CCT5: variants seen among roughly 807,000 people sequenced by gnomAD.
The protein encoded by CCT5 is chaperonin containing TCP1 subunit 5, also known as T-complex protein 1 subunit epsilon.
A neutral mutation model predicts 55.0 loss-of-function variants in CCT5; 6 were observed. That is an observed-to-expected ratio of 0.11 (90% CI 0.06 to 0.22). The LOEUF (loss-of-function observed/expected upper bound fraction) is 0.22, where lower values mean the gene tolerates loss of function less well. Among genes scored for constraint, CCT5 ranks in the 10% least tolerant of loss-of-function variants. The pLI is 1.00. For missense variants in CCT5, 560 were observed against 694.6 expected (o/e 0.81, Z 2.18); for synonymous variants, 231 against 243.7 (o/e 0.95, Z 0.49).
At position 10,251,132 on chromosome 5, in the gene CCT5, G is replaced by T. The variant is rs370533249; in HGVS notation, c.105+687G>T. Among the ~76,000 whole-genome samples, 11 of 152,322 alleles carry T rather than the reference G, an allele frequency of 7.2e-5. No homozygotes were observed. In the South Asian group the frequency reaches 2.3e-3, roughly 32 times the overall value. Reference sequence around the variant, plus strand: ...GAAGTAAAGGCTTGGGCAAGAATGCGCATGGCACGTTGTAGAATGGAAGAG... The same window carrying T: ...GAAGTAAAGGCTTGGGCAAGAATGCTCATGGCACGTTGTAGAATGGAAGAG... On this transcript the variant is annotated intron_variant, in intron 1 of 10. Transcript: ENST00000280326.
chr5:10,250,894 G>T, intron 1 of CCT5: 1 of 1,033,460 alleles, frequency 9.7e-7, no homozygotes, highest in Non-Finnish European at 1.2e-6. Context: ...ACTCGTAAAG[G>T]TGTGGTCACT....
At chr5:10,263,078 C>T in intron 9 of CCT5, 56 bp from the exon 10 acceptor site, 1 of 1,440,542 alleles carries the variant, frequency 6.9e-7, no homozygotes, top group Non-Finnish European at 9.8e-7. Flanking sequence ...TTTCACGGTG[C>T]CGCTGGGTTG....
Position 10,261,544 on chromosome 5 carries a change from T to C in CCT5, c.994-16T>C, listed in dbSNP as rs1366821134. 2 of 1,613,534 alleles carry C rather than the reference T, an allele frequency of 1.2e-6. No homozygotes were observed. Among genetic ancestry groups the C allele is most frequent in the Non-Finnish European group, 1.7e-6 (2 of 1,179,660 alleles). On this transcript the variant is annotated splice_polypyrimidine_tract_variant and intron_variant, in intron 7 of 10. Coordinates refer to ENST00000280326, the MANE Select transcript of CCT5 (RefSeq NM_012073.5). ...CCAGTACTGTCTTCATCCTTCTCCC[T>C]GACCACCCCAATTAGCTGATTGCCA...
At chr5:10,251,549 C>G (rs1463786418) in intron 1 of CCT5, among the ~76,000 whole-genome samples, 1 of 152,168 alleles carries the variant, frequency 6.6e-6, no homozygotes, top group African/African-American at 2.4e-5. Flanking sequence ...GGTTTACTTA[C>G]GCAAAGTTAG....
intron 4 of CCT5, among the ~76,000 whole-genome samples, chr5:10,256,416 T>C (rs1745683661): frequency 6.6e-6 from 1 of 152,216 alleles, no homozygotes; most frequent in African/African-American, 2.4e-5. Flanking sequence ...CAGAATAGGT[T>C]GTGTTAAAAA....
chr5:10,257,990 C>A, intron 4 of CCT5, 121 bp from the exon 5 acceptor site: 1 of 1,025,640 alleles, frequency 9.8e-7, no homozygotes, highest in Non-Finnish European at 1.5e-6. Context: ...GATGGCATTC[C>A]CCTCTAGAAG....
intron 3 of CCT5, among the ~76,000 whole-genome samples, chr5:10,255,202 G>A (rs994157865): frequency 2.0e-5 from 3 of 152,190 alleles, no homozygotes; most frequent in Admixed American, 1.3e-4. Flanking sequence ...ATGTGTAGGA[G>A]AATGCCCTTC....
chr5:10,263,199 C>T lies in CCT5; in HGVS notation c.1383C>T (p.Ala461=). 6.2e-7 allele frequency: 1 copy of T among 1,614,168 alleles called. No homozygotes were observed. Among genetic ancestry groups the T allele is most frequent in the Non-Finnish European group, 8.5e-7 (1 of 1,180,024 alleles). The change falls in exon 10 of 11, where the codon GCC becomes GCT. Residue 461 remains alanine (A), a synonymous_variant. Coordinates refer to ENST00000280326, the MANE Select transcript of CCT5 (RefSeq NM_012073.5). ...ACGCACTGGAGGTCATCCCCATGGC[C>T]CTCTCTGAAAACAGTGGCATGAATC... ...FADALEVIPM[A]LSENSGMNPI...
At chr5:10,251,038 A>G (rs1437636293) in intron 1 of CCT5, 7 of 224,934 alleles carry the variant, frequency 3.1e-5, no homozygotes, top group African/African-American at 7.0e-5. Flanking sequence ...GAGGGTGCAC[A>G]TAAGCGTGGT....
chr5:10,255,913 T>C (rs1745649902), intron 3 of CCT5, 42 bp from the exon 4 acceptor site: 1 of 1,576,682 alleles, frequency 6.3e-7, no homozygotes, highest in African/African-American at 1.3e-5. Context: ...AAGTGAAGTT[T>C]TGTTGTTTGC....
At chr5:10,250,501 G>A in intron 1 of CCT5, 56 bp downstream of exon 1, 1 of 1,602,668 alleles carries the variant, frequency 6.2e-7, no homozygotes, top group Non-Finnish European at 8.5e-7. Context: ...CGAGGCCGTG[G>A]CTCTGCGCCT....
rs760822054 is a variant in CCT5, at chr5:10,263,356, C to G, written c.1498+42C>G. 3.3e-5 allele frequency: 43 copies of G among 1,318,080 alleles called. No homozygotes were observed. The South Asian group carries it at 4.3e-4, about 13-fold the overall frequency. The allele number at this position is 1,318,080 out of a possible 1,614,324, so 81.6% of individuals were successfully genotyped here. ...CCTCTGCGTGGAGGGGGGGGGATGT[C>G]TGATTTAAACTGAATAATCATCCAC... On this transcript the variant is annotated intron_variant, in intron 10 of 10. Transcript: ENST00000280326.
At chr5:10,261,423 G>A in intron 7 of CCT5, 137 bp from the exon 8 acceptor site, 1 of 792,296 alleles carries the variant, frequency 1.3e-6, no homozygotes, top group Non-Finnish European at 2.2e-6. Flanking sequence ...TTGAACTGGA[G>A]ATGTCTCGGT....
chr5:10,262,634 A>G lies in CCT5; in HGVS notation c.1317+16A>G, dbSNP rs1289579755. On this transcript the variant is annotated intron_variant, in intron 9 of 10. Coordinates refer to ENST00000280326, the MANE Select transcript of CCT5 (RefSeq NM_012073.5). ...GGCGGATAAGGTAAGGGATCTGTGC[A>G]GACTTAGTGAAAGATTCAGGCCTCG... 1.2e-6 allele frequency: 2 copies of G among 1,613,796 alleles called. No homozygotes were observed. The highest frequency in any genetic ancestry group is 1.7e-6 in the Non-Finnish European group (2 of 1,179,880).
Position 10,257,092 on chromosome 5 carries a change from A to G in CCT5, c.530+939A>G, listed in dbSNP as rs142643012. On this transcript the variant is annotated intron_variant, in intron 4 of 10. Coordinates refer to ENST00000280326, the MANE Select transcript of CCT5 (RefSeq NM_012073.5). Reference sequence around the variant, plus strand: ...ATTAAATCAGTGAGAGATGTTTTCAATTGTGTGCTTGTGGTGGTTTTAGCA... The same window carrying G: ...ATTAAATCAGTGAGAGATGTTTTCAGTTGTGTGCTTGTGGTGGTTTTAGCA... Among the ~76,000 whole-genome samples the G allele has an allele frequency of 1.2e-4, 19 of 152,320 alleles. No homozygotes were observed. In the East Asian group the frequency reaches 3.1e-3, roughly 25 times the overall value.
intron 4 of CCT5, among the ~76,000 whole-genome samples, chr5:10,256,662 G>C (rs942820307): frequency 2.8e-5 from 4 of 144,804 alleles, no homozygotes; most frequent in African/African-American, 1.0e-4. Context: ...ACTCCAGCTT[G>C]AGCAACAGAG....
At chr5:10,257,731 C>T (rs11948813) in intron 4 of CCT5, among the ~76,000 whole-genome samples, 51 of 152,312 alleles carry the variant, frequency 3.3e-4, no homozygotes, top group African/African-American at 1.2e-3. Context: ...GATTACTTAC[C>T]TTTCCCATTC....
intron 10 of CCT5, 25 bp downstream of exon 10, chr5:10,263,339 TGGAGG>T: frequency 2.4e-6 from 1 of 420,252 alleles, no homozygotes; most frequent in Non-Finnish European, 3.7e-6. Flanking sequence ...CGCCTCTGCG[TGGAGG>T]GGGGGGGATG....
intron 3 of CCT5, 129 bp from the exon 4 acceptor site, chr5:10,255,826 C>T (rs779466913): frequency 1.2e-6 from 1 of 823,824 alleles, no homozygotes; most frequent in Non-Finnish European, 2.0e-6. Context: ...GGGCTTCTGC[C>T]TCTAAGATGA....
Sources: allele counts gnomAD v4.1 joint callset (sites outside exome capture counted in the v4.1 genomes callset), GRCh38; gene constraint gnomAD v4.1.1; transcripts MANE v1.5; gene names NCBI Gene and HGNC (gene_info 2026-07-23, HGNC 2026-07-21).